The following STK32B variants were observed in gnomAD, a reference collection of about 807,000 sequenced individuals.
STK32B encodes serine/threonine kinase 32B.
A neutral mutation model predicts 52.6 loss-of-function variants in STK32B; 43 were observed. The observed-to-expected ratio is 0.82, with a 90% CI of 0.64 to 1.05. The LOEUF (loss-of-function observed/expected upper bound fraction) is 1.05, where lower values mean the gene tolerates loss of function less well. Among genes scored for constraint, STK32B ranks in the 50% least tolerant of loss-of-function variants. The pLI is 0.00. For synonymous variants in STK32B, 238 were observed against 204.3 expected (o/e 1.17, Z -1.41); for missense variants, 621 against 534.6 (o/e 1.16, Z -1.59).
chr4:5,055,904 A>G (rs1319698546), intron 1 of STK32B, among the ~76,000 whole-genome samples: 3 of 151,370 alleles, frequency 2.0e-5, no homozygotes, highest in Non-Finnish European at 4.4e-5. Context: ...CTATCATAAT[A>G]TTTATTTTAC....
At chr4:5,188,444 C>G (rs1044681766) in intron 3 of STK32B, among the ~76,000 whole-genome samples, 1 of 152,104 alleles carries the variant, frequency 6.6e-6, no homozygotes, top group African/African-American at 2.4e-5. Context: ...GCGCACATGC[C>G]CCTTCTCCGA....
chr4:5,306,272 T>A (rs146395987), intron 3 of STK32B, among the ~76,000 whole-genome samples: 1 of 152,160 alleles, frequency 6.6e-6, no homozygotes, highest in South Asian at 2.1e-4. Context: ...ACTTTCTGTC[T>A]TGATGACCTT....
intron 5 of STK32B, among the ~76,000 whole-genome samples, chr4:5,416,197 C>T (rs1177077753): frequency 1.3e-5 from 2 of 152,214 alleles, no homozygotes; most frequent in East Asian, 3.9e-4. Flanking sequence ...CCCTTCCTTC[C>T]TTCTCTTCTG....
At chr4:5,152,633 A>G (rs1717465809) in intron 2 of STK32B, among the ~76,000 whole-genome samples, 1 of 152,242 alleles carries the variant, frequency 6.6e-6, no homozygotes, top group Admixed American at 6.5e-5. Context: ...CTGTAGATGA[A>G]AAGCTAATGC....
At chr4:5,287,200 G>T (rs976782078) in intron 3 of STK32B, among the ~76,000 whole-genome samples, 3 of 152,122 alleles carry the variant, frequency 2.0e-5, no homozygotes, top group Non-Finnish European at 2.9e-5. Flanking sequence ...TTCCCAAAGG[G>T]TTTGTACCAG....
chr4:5,146,668 A>G (rs6830725), intron 2 of STK32B, among the ~76,000 whole-genome samples: 24,353 of 152,170 alleles, frequency 0.16, 2,248 homozygotes, highest in Non-Finnish European at 0.2. Flanking sequence ...CCTTCAATCC[A>G]GTCAAGCTGA....
intron 2 of STK32B, among the ~76,000 whole-genome samples, chr4:5,149,996 T>G (rs1005331575): frequency 6.6e-6 from 1 of 152,000 alleles, no homozygotes; most frequent in African/African-American, 2.4e-5. Context: ...TGGATACAGA[T>G]TTTTAGGTTG....
At chr4:5,128,699 G>A (rs1005840644) in intron 1 of STK32B, among the ~76,000 whole-genome samples, 16 of 152,228 alleles carry the variant, frequency 1.1e-4, no homozygotes, top group African/African-American at 3.6e-4. Flanking sequence ...GAGTAAACAG[G>A]GAGTGGAGGA....
chr4:5,155,619 G>C (rs1717763868), intron 2 of STK32B, among the ~76,000 whole-genome samples: 1 of 152,128 alleles, frequency 6.6e-6, no homozygotes, highest in South Asian at 2.1e-4. Context: ...GGTGGGAGGT[G>C]ACTGGTTCCT....
rs2109046183 is a variant in STK32B, at chr4:5,398,569, A to G, written c.472+325A>G. Among the ~76,000 whole-genome samples the G allele has an allele frequency of 6.6e-6, 1 of 152,260 alleles. No individual in the cohort carries two copies. The highest frequency in any genetic ancestry group is 2.1e-4 in the South Asian group (1 of 4,812). On this transcript the variant is annotated intron_variant, in intron 5 of 11. Transcript: ENST00000282908. This position sits in a 1 kb window ranked among gnomAD's most constrained non-coding sequence, Gnocchi z 4.9. ...TCACCTATGAACGTGTGGCTTCAGAAGTCACCCACCTCTCTGAGCCTCAGT... is the reference window on the plus strand; with the variant it reads ...TCACCTATGAACGTGTGGCTTCAGAGGTCACCCACCTCTCTGAGCCTCAGT...
intron 1 of STK32B, among the ~76,000 whole-genome samples, chr4:5,136,245 C>T (rs1487108482): frequency 4.6e-5 from 7 of 152,200 alleles, no homozygotes; most frequent in African/African-American, 1.4e-4. Context: ...TGTGTTGTTC[C>T]ATTGTCTTCA....
chr4:5,353,816 A>C lies in STK32B; in HGVS notation c.434+22423A>C, dbSNP rs59992451. Among the ~76,000 whole-genome samples, 557 of 152,322 alleles carry C rather than the reference A, an allele frequency of 3.7e-3. 3 individuals are homozygous for C. The highest frequency in any genetic ancestry group is 0.013 in the African/African-American group (538 of 41,578). ...GGGAATGTAATTCAGTACAACTACC[A>C]TGGAAAACAGTATGGAGATTTCCAA... On this transcript the variant is annotated intron_variant, in intron 4 of 11. Coordinates refer to ENST00000282908, the MANE Select transcript of STK32B (RefSeq NM_018401.3).
Position 5,386,949 on chromosome 4 carries a change from A to G in STK32B, c.435-11258A>G, listed in dbSNP as rs1324462569. Among the ~76,000 whole-genome samples the G allele has an allele frequency of 6.6e-6, 1 of 152,210 alleles. No homozygotes were observed. The highest frequency in any genetic ancestry group is 1.5e-5 in the Non-Finnish European group (1 of 68,038). On this transcript the variant is annotated intron_variant, in intron 4 of 11. Transcript: ENST00000282908. This position sits in a 1 kb window ranked among gnomAD's most constrained non-coding sequence, Gnocchi z 4.5. ...CTTCACAGAAATAGGAAGCTCTCGA[A>G]GAGTCGCAGCATCTCACAGGCCCAG...
rs543532499 is a variant in STK32B at position 5,498,617 on chromosome 4, A to G, written c.1107-328A>G. ...ACCGACTGTGAGCTTGGGAAATATA[A>G]ATATATGGTATATACAAAAATATAA... is the stretch of plus-strand genomic sequence containing the variant. On this transcript the variant is annotated intron_variant, in intron 11 of 11. Coordinates refer to ENST00000282908, the MANE Select transcript of STK32B (RefSeq NM_018401.3). Among the ~76,000 whole-genome samples the G allele has an allele frequency of 5.3e-5, 8 of 152,328 alleles. No homozygotes were observed. In the South Asian group the frequency reaches 1.0e-3, roughly 20 times the overall value.
intron 3 of STK32B, among the ~76,000 whole-genome samples, chr4:5,304,216 A>G (rs1218763571): frequency 1.3e-5 from 2 of 151,924 alleles, no homozygotes; most frequent in Non-Finnish European, 2.9e-5. Context: ...TCTCTGAAAA[A>G]CGATGGTGAT....
chr4:5,054,555 T>C (rs1245571185), intron 1 of STK32B, among the ~76,000 whole-genome samples: 1 of 152,046 alleles, frequency 6.6e-6, no homozygotes, highest in Non-Finnish European at 1.5e-5. Flanking sequence ...TTGTGGAGTA[T>C]GAAGCTGAAA....
chr4:5,317,049 ATAAT>A (rs1382193958), intron 3 of STK32B, among the ~76,000 whole-genome samples: 1 of 39,468 alleles, frequency 2.5e-5, no homozygotes, highest in Non-Finnish European at 3.7e-5. Flanking sequence ...TATTATATAT[ATAAT>A]ATATATGATA....
chr4:5,052,235 G>T (rs7668155), intron 1 of STK32B, among the ~76,000 whole-genome samples: 98,450 of 151,858 alleles, frequency 0.65, 32,222 homozygotes, highest in East Asian at 0.88. Context: ...AGTCGGGATG[G>T]TTCTAGGCTC....
At chr4:5,231,332 C>T (rs771625480) in intron 3 of STK32B, among the ~76,000 whole-genome samples, 19 of 152,042 alleles carry the variant, frequency 1.2e-4, no homozygotes, top group East Asian at 5.8e-4. Context: ...AGCTCTTAGC[C>T]GGGTGCAGTG....
Sources: allele counts gnomAD v4.1 joint callset (sites outside exome capture counted in the v4.1 genomes callset), GRCh38; gene constraint gnomAD v4.1.1; non-coding constraint Gnocchi (gnomAD v3.1); transcripts MANE v1.5; gene names NCBI Gene and HGNC (gene_info 2026-07-23, HGNC 2026-07-21).